The following ADAMTS17 variants were observed in gnomAD, a reference collection of about 807,000 sequenced individuals.
ADAMTS17 encodes the protein ADAM metallopeptidase with thrombospondin type 1 motif 17, also known as A disintegrin and metalloproteinase with thrombospondin motifs 17.
A neutral mutation model predicts 141.5 loss-of-function variants in ADAMTS17; 113 were observed. The ratio of observed to expected loss-of-function variants is 0.80; its 90% CI spans 0.69 to 0.93. The LOEUF (loss-of-function observed/expected upper bound fraction) is 0.93, where lower values mean the gene tolerates loss of function less well. Ranked by LOEUF, ADAMTS17 falls within the 40% of genes least tolerant of loss-of-function variation. ADAMTS17 has a pLI of 0.00. For missense variants in ADAMTS17, 1,659 were observed against 1,517.9 expected (o/e 1.09, Z -1.54); for synonymous variants, 768 against 630.6 (o/e 1.22, Z -3.27).
At chr15:100,138,807 C>T (rs973612528) in intron 10 of ADAMTS17, among the ~76,000 whole-genome samples, 1 of 152,136 alleles carries the variant, frequency 6.6e-6, no homozygotes, top group Non-Finnish European at 1.5e-5. Context: ...CTACTATGGC[C>T]GCAATGATCT....
intron 7 of ADAMTS17, among the ~76,000 whole-genome samples, chr15:100,227,540 C>T (rs901292965): frequency 1.3e-5 from 2 of 152,208 alleles, no homozygotes; most frequent in Admixed American, 6.5e-5. Flanking sequence ...GAGAGGCAGG[C>T]GGCCCTGGAT....
intron 17 of ADAMTS17, 37 bp downstream of exon 17, chr15:100,051,535 C>T (rs2032143518): frequency 6.2e-7 from 1 of 1,612,068 alleles, no homozygotes; most frequent in Admixed American, 1.7e-5. Context: ...TTCAGCAAAA[C>T]CCCACACCCA....
rs767120617 is a variant in ADAMTS17 at position 100,262,371 on chromosome 15, A to T, written c.854T>A (p.Val285Asp). 6.2e-7 allele frequency: 1 copy of T among 1,614,076 alleles called. No homozygotes were observed. Among genetic ancestry groups the T allele is most frequent in the East Asian group, 2.2e-5 (1 of 44,876 alleles). The part of the protein sequence containing the change: ...IKINIQVTKL[V>D]LLRQRPAKLS... ...ACTTACGGGACGTTGTCGTAGCAGG[A>T]CAAGCTTGGTCACTTGAATGTTAAT... The change falls in exon 5 of 22, where the codon GTC becomes GAC. Residue 285 changes from valine (V) to aspartate (D), a missense_variant. Val to Asp is a radical substitution (Grantham distance 152). Transcript: ENST00000268070.
At chr15:100,210,863 C>T (rs928915904) in intron 7 of ADAMTS17, among the ~76,000 whole-genome samples, 1 of 151,942 alleles carries the variant, frequency 6.6e-6, no homozygotes, top group African/African-American at 2.4e-5. Context: ...GCACTTTGGG[C>T]AGCAGAGATG....
At chr15:100,341,517 C>A (rs2046367027) in intron 1 of ADAMTS17, 108 bp from the exon 2 acceptor site, 3 of 967,656 alleles carry the variant, frequency 3.1e-6, no homozygotes, top group Non-Finnish European at 2.5e-6. Context: ...CCGGAGCCGG[C>A]GCTGCCTTCC....
At chr15:100,098,989 A>G (rs1386504109) in intron 14 of ADAMTS17, among the ~76,000 whole-genome samples, 1 of 152,186 alleles carries the variant, frequency 6.6e-6, no homozygotes, top group Non-Finnish European at 1.5e-5. Context: ...CTTGCTTGGT[A>G]GGAGTGAGTC....
intron 7 of ADAMTS17, among the ~76,000 whole-genome samples, chr15:100,236,787 A>AC (rs2042670169): frequency 6.6e-6 from 1 of 152,102 alleles, no homozygotes; most frequent in Non-Finnish European, 1.5e-5. Context: ...GCAGTGAGCT[A>AC]TGACTGCACC....
At chr15:100,329,641 T>C (rs2045991521) in intron 3 of ADAMTS17, among the ~76,000 whole-genome samples, 1 of 152,138 alleles carries the variant, frequency 6.6e-6, no homozygotes, top group Non-Finnish European at 1.5e-5. Context: ...GTACGGGGTC[T>C]TCCTCACTTT....
At chr15:100,224,867 T>C (rs2042247197) in intron 7 of ADAMTS17, among the ~76,000 whole-genome samples, 1 of 152,214 alleles carries the variant, frequency 6.6e-6, no homozygotes, top group South Asian at 2.1e-4. Context: ...GTTTTAAGGG[T>C]AGAAGCAGCA....
intron 7 of ADAMTS17, among the ~76,000 whole-genome samples, chr15:100,222,650 A>C (rs1044854908): frequency 2.0e-5 from 3 of 152,178 alleles, no homozygotes; most frequent in African/African-American, 7.2e-5. Flanking sequence ...TCTCCACCGG[A>C]AAAGTCTGGA....
chr15:100,207,690 C>A (rs1347979765), intron 7 of ADAMTS17, among the ~76,000 whole-genome samples: 4 of 152,156 alleles, frequency 2.6e-5, no homozygotes, highest in African/African-American at 9.7e-5. Flanking sequence ...TCAAATCATA[C>A]AACACCTTAG....
Position 100,051,793 on chromosome 15 carries a change from A to C in ADAMTS17, c.2296-62T>G, listed in dbSNP as rs535794259. The C allele has an allele frequency of 1.4e-5, 22 of 1,601,716 alleles. No homozygotes were observed. The South Asian group carries it at 2.2e-4, about 16-fold the overall frequency. Reference sequence around the variant, plus strand: ...GGAAGGAAGGCCCGTGGGAATGCCGAATCTGCACACACAGGCACACTGCGG... The same window carrying C: ...GGAAGGAAGGCCCGTGGGAATGCCGCATCTGCACACACAGGCACACTGCGG... On this transcript the variant is annotated intron_variant, in intron 16 of 21. Transcript: ENST00000268070.
chr15:100,007,214 A>G (rs1477545020), intron 18 of ADAMTS17, among the ~76,000 whole-genome samples: 2 of 152,220 alleles, frequency 1.3e-5, no homozygotes, highest in Non-Finnish European at 2.9e-5. Context: ...CAGCATTCAG[A>G]CGGAGGGAGC....
At chr15:100,144,733 A>G (rs1475763711) in intron 10 of ADAMTS17, among the ~76,000 whole-genome samples, 1 of 151,702 alleles carries the variant, frequency 6.6e-6, no homozygotes, top group African/African-American at 2.4e-5. Context: ...CTATCCAAGG[A>G]CCCGAGGTGA....
chr15:100,005,506 C>G (rs1204204046), intron 18 of ADAMTS17, among the ~76,000 whole-genome samples: 1 of 152,108 alleles, frequency 6.6e-6, no homozygotes, highest in African/African-American at 2.4e-5. Context: ...TCCTCAAGAC[C>G]AGCAGTGGTG....
chr15:100,057,353 T>C (rs2032667402), intron 15 of ADAMTS17, among the ~76,000 whole-genome samples: 1 of 152,106 alleles, frequency 6.6e-6, no homozygotes, highest in South Asian at 2.1e-4. Context: ...TCTTTGAAGC[T>C]GTGTGCTGAC....
rs565854660 is a variant in ADAMTS17, at chr15:100,025,037, G to A, written c.2591+23820C>T. 1.4e-4 allele frequency among the ~76,000 whole-genome samples: 21 copies of A among 152,300 alleles called. No individual in the cohort carries two copies. The East Asian group carries it at 1.9e-3, about 14-fold the overall frequency. On this transcript the variant is annotated intron_variant, in intron 18 of 21. Coordinates refer to ENST00000268070, the MANE Select transcript of ADAMTS17 (RefSeq NM_139057.4). ...TCAGGATCACACAGTCAGGGAGATC[G>A]GTCTTGGGTTGAGAGTGGTACGCTA...
intron 3 of ADAMTS17, among the ~76,000 whole-genome samples, chr15:100,307,782 AAC>A (rs1331590580): frequency 2.0e-5 from 3 of 152,234 alleles, no homozygotes; most frequent in Admixed American, 1.3e-4. Flanking sequence ...GAAAGAGCAC[AAC>A]AGTGTGGGTT....
chr15:100,321,851 T>G (rs533070485), intron 3 of ADAMTS17, among the ~76,000 whole-genome samples: 1 of 152,238 alleles, frequency 6.6e-6, no homozygotes, highest in African/African-American at 2.4e-5. Context: ...AATGGGCATA[T>G]AGAACACAAC....
Sources: gnomAD v4.1 joint callset for allele counts (sites outside exome capture counted in the v4.1 genomes callset) on GRCh38, gnomAD v4.1.1 for gene constraint, MANE v1.5 for transcripts, NCBI Gene and HGNC (gene_info 2026-07-23, HGNC 2026-07-21) for gene names.